The following LANCL3 variants were observed in gnomAD, a reference collection of about 807,000 sequenced individuals.
The protein encoded by LANCL3 is lanC-like protein 3.
A neutral mutation model predicts 26.5 loss-of-function variants in LANCL3; 19 were observed. The ratio of observed to expected loss-of-function variants is 0.72; its 90% confidence interval spans 0.50 to 1.05. The LOEUF (loss-of-function observed/expected upper bound fraction) is 1.05, where lower values mean the gene tolerates loss of function less well. LANCL3 is among the 50% of genes least tolerant of loss of function. LANCL3 has a pLI of 0.00. For missense variants in LANCL3, 318 were observed against 362.7 expected (o/e 0.88, Z 1.00); for synonymous variants, 160 against 166.6 (o/e 0.96, Z 0.30).
intron 1 of LANCL3, among the ~76,000 whole-genome samples, chrX:37,634,422 G>T (rs1043157468): frequency 8.9e-6 from 1 of 112,803 alleles, no homozygotes; most frequent in African/African-American, 3.2e-5. Flanking sequence ...GCCCTGCTTC[G>T]GCTCGCACAT....
At chrX:37,657,236 G>A (rs981553316) in intron 2 of LANCL3, among the ~76,000 whole-genome samples, 3 of 112,975 alleles carry the variant, frequency 2.7e-5, no homozygotes, top group African/African-American at 9.6e-5. Flanking sequence ...GAAAGCCTCA[G>A]GCAAAATGAT....
intron 1 of LANCL3, among the ~76,000 whole-genome samples, chrX:37,633,072 C>T (rs1372882427): frequency 1.9e-4 from 21 of 111,496 alleles, no homozygotes; most frequent in African/African-American, 5.9e-4. Context: ...TCCATTCTCC[C>T]CGTCACTTTC....
chrX:37,617,923 A>G (rs1464746389), intron 1 of LANCL3, among the ~76,000 whole-genome samples: 4 of 111,974 alleles, frequency 3.6e-5, no homozygotes, highest in Admixed American at 1.9e-4. Flanking sequence ...CTTTTGTTCA[A>G]TTGGAATCAT....
chrX:37,581,735 T>C (rs1373884855), intron 1 of LANCL3, among the ~76,000 whole-genome samples: 2 of 112,403 alleles, frequency 1.8e-5, no homozygotes, highest in East Asian at 5.6e-4. Context: ...TTATGTCTTT[T>C]CATCTGTTAA....
In LANCL3 at chrX:37,682,155, T is replaced by G. The variant is rs1352037051; in HGVS notation, c.*6342T>G. On this transcript the variant is annotated 3_prime_UTR_variant, in exon 5 of 5. Transcript: ENST00000378619. Reference sequence around the variant, plus strand: ...TCTCGCTCTGTCGCCCAGGCTGGAGTGCAGTGGCGGGATCTCGGCTCGCTG... The same window carrying G: ...TCTCGCTCTGTCGCCCAGGCTGGAGGGCAGTGGCGGGATCTCGGCTCGCTG... 5.2e-4 allele frequency: 54 copies of G among 103,782 alleles called. No individual in the cohort carries two copies. The highest frequency in any genetic ancestry group is 1.6e-3 in the African/African-American group (46 of 28,413). The allele number at this position is 103,782 out of a possible 1,213,427, so 8.6% of individuals were successfully genotyped here.
At chrX:37,587,421 C>G (rs1440756874) in intron 1 of LANCL3, among the ~76,000 whole-genome samples, 1 of 112,890 alleles carries the variant, frequency 8.9e-6, no homozygotes, top group Admixed American at 9.3e-5. Flanking sequence ...AGGCAGGCCT[C>G]CTTGAGCTGC....
chrX:37,610,157 G>T (rs1376521359), intron 1 of LANCL3, among the ~76,000 whole-genome samples: 4 of 112,133 alleles, frequency 3.6e-5, no homozygotes, highest in Non-Finnish European at 5.6e-5. Flanking sequence ...CACATGGGTG[G>T]CAAGTTGGTA....
intron 3 of LANCL3, among the ~76,000 whole-genome samples, chrX:37,664,004 C>T (rs1926481603): frequency 8.9e-6 from 1 of 111,849 alleles, no homozygotes; most frequent in African/African-American, 3.3e-5. Flanking sequence ...TATTTTGTAT[C>T]CCTGTGTCAT....
Position 37,572,147 on chromosome X carries a change from C to G in LANCL3, c.277C>G (p.Leu93Val). The change falls in exon 1 of 5, where the codon CTG (leucine) becomes GTG (valine). Residue 93 changes from leucine to valine, a missense_variant. Coordinates refer to ENST00000378619, the MANE Select transcript of LANCL3 (RefSeq NM_001170331.2). ...TTTCGCCACGGCCCGGGAACGCTAC[C>G]TGCGCTCGGCTAAGCGCCTCATCGA... The part of the protein sequence containing the change: ...PLFATARERY[L>V]RSAKRLIDAC... 1 of 1,194,216 alleles carries G rather than the reference C, an allele frequency of 8.4e-7. No individual in the cohort carries two copies. The highest frequency in any genetic ancestry group is 1.8e-5 in the South Asian group (1 of 56,046).
rs191183383 is a variant in LANCL3, at chrX:37,675,424, A to G, written c.1104-230A>G. Reference sequence around the variant, plus strand: ...AAATTCCAAACTGCTTTGCTTTGCAAACTCTAAGAATAGTTGGATTTGCTT... The same window carrying G: ...AAATTCCAAACTGCTTTGCTTTGCAGACTCTAAGAATAGTTGGATTTGCTT... On this transcript the variant is annotated intron_variant, in intron 4 of 4. Transcript: ENST00000378619. Among the ~76,000 whole-genome samples the G allele has an allele frequency of 2.9e-3, 326 of 112,487 alleles. 2 individuals carry two copies. Among genetic ancestry groups the G allele is most frequent in the African/African-American group, 9.8e-3 (303 of 31,048 alleles).
At position 37,654,651 on chromosome X, in the gene LANCL3, G is replaced by A. The variant is rs782317505; in HGVS notation, c.574-1037G>A. 1.9e-4 allele frequency among the ~76,000 whole-genome samples: 21 copies of A among 111,303 alleles called. 1 individual carries two copies. The highest frequency in any genetic ancestry group is 5.2e-4 in the African/African-American group (16 of 30,639). On this transcript the variant is annotated intron_variant, in intron 1 of 4. Transcript: ENST00000378619. ...AGGGAAAGAGAGGGACGGAGGAAGC[G>A]AATAAAGAATGAAGGGAGGGAGGGC...
At chrX:37,607,741 T>G (rs943676143) in intron 1 of LANCL3, among the ~76,000 whole-genome samples, 17 of 112,066 alleles carry the variant, frequency 1.5e-4, no homozygotes, top group Non-Finnish European at 2.8e-4. Context: ...GGAGAATATT[T>G]TTATGAATGG....
intron 1 of LANCL3, among the ~76,000 whole-genome samples, chrX:37,595,145 C>G (rs782331352): frequency 8.1e-5 from 9 of 111,602 alleles, no homozygotes; most frequent in East Asian, 2.8e-4. Context: ...TCCTAGGGAG[C>G]CTTCAGCTGA....
chrX:37,581,230 T>C (rs1356293101), intron 1 of LANCL3, among the ~76,000 whole-genome samples: 1 of 112,302 alleles, frequency 8.9e-6, no homozygotes, highest in African/African-American at 3.2e-5. Flanking sequence ...TTTCTTGTAC[T>C]GAGGATGACT....
At chrX:37,638,658 A>G (rs1345061965) in intron 1 of LANCL3, among the ~76,000 whole-genome samples, 2 of 111,903 alleles carry the variant, frequency 1.8e-5, no homozygotes, top group Admixed American at 1.9e-4. Context: ...GTTTACATAT[A>G]GCAAAATGTA....
intron 1 of LANCL3, among the ~76,000 whole-genome samples, chrX:37,646,269 G>A (rs1925981412): frequency 8.9e-6 from 1 of 112,475 alleles, no homozygotes; most frequent in African/African-American, 3.2e-5. Context: ...GCCCTATTTT[G>A]TATCTTTAAG....
chrX:37,635,986 T>C (rs1300887228), intron 1 of LANCL3, among the ~76,000 whole-genome samples: 1 of 97,245 alleles, frequency 1.0e-5, no homozygotes, highest in Non-Finnish European at 2.0e-5. Flanking sequence ...TAGGCCCCAG[T>C]GTCTATTGTT....
At chrX:37,601,981 A>G (rs1293970732) in intron 1 of LANCL3, among the ~76,000 whole-genome samples, 2 of 111,756 alleles carry the variant, frequency 1.8e-5, no homozygotes, top group Non-Finnish European at 3.8e-5. Flanking sequence ...AAAAGTAGCT[A>G]GAAGTAAAAT....
At chrX:37,623,361 C>T (rs1925221137) in intron 1 of LANCL3, among the ~76,000 whole-genome samples, 1 of 111,172 alleles carries the variant, frequency 9.0e-6, no homozygotes, top group African/African-American at 3.3e-5. Context: ...ATAATGTAGA[C>T]ATTATCTTTG....
Sources: gnomAD v4.1 joint callset for allele counts (sites outside exome capture counted in the v4.1 genomes callset) on GRCh38, gnomAD v4.1.1 for gene constraint, MANE v1.5 for transcripts, NCBI Gene and HGNC (gene_info 2026-07-23, HGNC 2026-07-21) for gene names.